The following NBEA variants were observed in gnomAD, a reference collection of about 807,000 sequenced individuals.
NBEA encodes neurobeachin.
In NBEA, 44 loss-of-function variants were observed where a neutral mutation model predicts 343.4. The ratio of observed to expected loss-of-function variants is 0.13; its 90% CI spans 0.10 to 0.16. NBEA has a LOEUF of 0.16. Among genes scored for constraint, NBEA ranks in the 10% least tolerant of loss-of-function variants. The probability of loss-of-function intolerance (pLI) is 1.00; values close to 1 mark genes in which losing one functional copy is unlikely to be tolerated. For synonymous variants in NBEA, 1,175 were observed against 1,238.7 expected, an observed-to-expected ratio of 0.95 and a Z score of 1.08; for missense variants, 2,555 against 3,631.3, an observed-to-expected ratio of 0.70 and a Z score of 7.62.
chr13:35,181,889 A>G lies in NBEA; in HGVS notation c.4663-471A>G, dbSNP rs932840651. Among the ~76,000 whole-genome samples the G allele has an allele frequency of 5.9e-5, 9 of 151,622 alleles. No individual in the cohort carries two copies. In the South Asian group the frequency reaches 1.9e-3, roughly 31 times the overall value. On this transcript the variant is annotated intron_variant, in intron 28 of 58. Transcript: ENST00000379939. ...CTCCCCCATTGTTTATTTCTCCTCTATTTTGTATTCATATAGTCTCTTGTT... is the reference window on the plus strand; with the variant it reads ...CTCCCCCATTGTTTATTTCTCCTCTGTTTTGTATTCATATAGTCTCTTGTT...
chr13:35,325,669 T>G (rs2038504717), intron 36 of NBEA, among the ~76,000 whole-genome samples: 1 of 152,060 alleles, frequency 6.6e-6, no homozygotes, highest in Non-Finnish European at 1.5e-5. Context: ...AAGGTAATGA[T>G]TCTCCAAAAT....
chr13:35,535,058 T>A (rs981573831), intron 41 of NBEA, among the ~76,000 whole-genome samples: 7 of 152,186 alleles, frequency 4.6e-5, no homozygotes, highest in African/African-American at 1.7e-4. Context: ...CTGGAAATAC[T>A]GTTTTCGTTG....
In NBEA at chr13:35,628,125, C is replaced by A; in HGVS notation, c.7494C>A (p.Ile2498=). 1 of 1,612,994 alleles carries A rather than the reference C, an allele frequency of 6.2e-7. No homozygotes were observed. Among genetic ancestry groups the A allele is most frequent in the Non-Finnish European group, 8.5e-7 (1 of 1,179,446 alleles). ...TTTCTTGCCAACTTCATCAGTGGAT[C>A]GACCTTATATTTGGCTATAAGCAGC... ...EFVSCQLHQW[I]DLIFGYKQRG... is the part of the protein sequence containing the mutation. The change falls in exon 49 of 59, where the codon ATC becomes ATA. Residue 2498 remains isoleucine (I), a synonymous_variant. Transcript: ENST00000379939.
At chr13:35,490,522 C>T (rs897625675) in intron 41 of NBEA, among the ~76,000 whole-genome samples, 1 of 151,798 alleles carries the variant, frequency 6.6e-6, no homozygotes. Flanking sequence ...TAATTGTATA[C>T]CCTGACGTAA....
intron 49 of NBEA, among the ~76,000 whole-genome samples, chr13:35,641,485 C>A (rs769990816): frequency 3.9e-4 from 59 of 152,176 alleles, no homozygotes; most frequent in South Asian, 1.7e-3. Flanking sequence ...GAATACTATA[C>A]AGCAAAAGAA....
intron 25 of NBEA, 64 bp from the exon 26 acceptor site, chr13:35,171,208 A>G (rs913123346): frequency 8.5e-7 from 1 of 1,174,252 alleles, no homozygotes; most frequent in Non-Finnish European, 1.3e-6. Flanking sequence ...GTATGTATGT[A>G]TATGTATTAT....
chr13:35,466,358 G>A (rs1165260004), intron 40 of NBEA, among the ~76,000 whole-genome samples: 1 of 152,200 alleles, frequency 6.6e-6, no homozygotes, highest in Non-Finnish European at 1.5e-5. Flanking sequence ...TTAGGGGAGA[G>A]TACATTGTGT....
chr13:35,523,466 T>G (rs2077816926), intron 41 of NBEA, among the ~76,000 whole-genome samples: 1 of 152,174 alleles, frequency 6.6e-6, no homozygotes, highest in African/African-American at 2.4e-5. Context: ...AGAGGTCTAG[T>G]GGACATTTGA....
chr13:35,355,847 A>T (rs530585536), intron 38 of NBEA, among the ~76,000 whole-genome samples: 39 of 151,772 alleles, frequency 2.6e-4, no homozygotes, highest in Middle Eastern at 6.9e-3. Flanking sequence ...TTCTCTAGCC[A>T]CTCTGTCTAA....
intron 1 of NBEA, among the ~76,000 whole-genome samples, chr13:34,972,761 G>GT (rs1223347608): frequency 2.6e-5 from 4 of 152,090 alleles, no homozygotes; most frequent in Non-Finnish European, 5.9e-5. Flanking sequence ...CGATTGTAGA[G>GT]TAAGTGCTGG....
intron 10 of NBEA, among the ~76,000 whole-genome samples, chr13:35,087,404 C>A (rs1055669493): frequency 6.6e-6 from 1 of 151,726 alleles, no homozygotes; most frequent in South Asian, 2.1e-4. Flanking sequence ...GTCCAGTCAG[C>A]ACAACATTAA....
In NBEA at chr13:35,089,831, A is replaced by G. The variant is rs1225112762; in HGVS notation, c.1572-8466A>G. Among the ~76,000 whole-genome samples the G allele has an allele frequency of 3.4e-5, 5 of 148,472 alleles. No individual in the cohort carries two copies. The South Asian group carries it at 8.6e-4, about 25-fold the overall frequency. ...AAGAACAAAAAACCAAACACCGCATATTCTCACTCATAGGTGGGAATTGAA... is the reference window on the plus strand; with the variant it reads ...AAGAACAAAAAACCAAACACCGCATGTTCTCACTCATAGGTGGGAATTGAA... On this transcript the variant is annotated intron_variant, in intron 10 of 58. Coordinates refer to ENST00000379939, the MANE Select transcript of NBEA (RefSeq NM_001385012.1).
rs763382027 is a variant in NBEA at position 35,432,260 on chromosome 13, T to C, written c.6180-9T>C. ...TAATAGGGATTACTTTTTTTCCCTC[T>C]ACTCTTAGCCAATTGCATGATTTCT... On this transcript the variant is annotated splice_polypyrimidine_tract_variant and intron_variant, in intron 38 of 58. Transcript: ENST00000379939. The C allele has an allele frequency of 1.9e-6, 3 of 1,591,944 alleles. No individual in the cohort carries two copies. The highest frequency in any genetic ancestry group is 2.6e-6 in the Non-Finnish European group (3 of 1,167,672).
chr13:35,073,199 G>A (rs2063951448), intron 10 of NBEA, among the ~76,000 whole-genome samples: 1 of 152,124 alleles, frequency 6.6e-6, no homozygotes, highest in Non-Finnish European at 1.5e-5. Context: ...TGGCTATGCA[G>A]GGGTGATAGA....
At chr13:35,015,555 A>T (rs537144762) in intron 1 of NBEA, among the ~76,000 whole-genome samples, 42 of 152,278 alleles carry the variant, frequency 2.8e-4, no homozygotes, top group African/African-American at 9.9e-4. Context: ...CTAAAGCATT[A>T]CATTACTCTA....
intron 28 of NBEA, among the ~76,000 whole-genome samples, chr13:35,178,352 T>G (rs545636685): frequency 6.6e-6 from 1 of 151,868 alleles, no homozygotes; most frequent in South Asian, 2.1e-4. Context: ...ACAGGAAATT[T>G]GGCAGCATTA....
At chr13:35,046,837 G>A (rs970128428) in intron 4 of NBEA, among the ~76,000 whole-genome samples, 4 of 152,076 alleles carry the variant, frequency 2.6e-5, no homozygotes, top group Non-Finnish European at 4.4e-5. Context: ...GGGATCTACT[G>A]TAGTGGTACC....
At chr13:35,587,967 C>T (rs1002869179) in intron 46 of NBEA, among the ~76,000 whole-genome samples, 3 of 151,920 alleles carry the variant, frequency 2.0e-5, no homozygotes, top group Admixed American at 6.6e-5. Flanking sequence ...AAAAAAGAAA[C>T]AGGTAAAATT....
In NBEA at chr13:35,591,922, A is replaced by G. The variant is rs562490169; in HGVS notation, c.7177-1406A>G. The stretch of plus-strand genomic sequence containing the variant: ...TGAACCTGGGAATGACATGTCATTC[A>G]TCCTAGACTTGAGAGAGAAGAATTG... On this transcript the variant is annotated intron_variant, in intron 46 of 58. Coordinates refer to ENST00000379939, the MANE Select transcript of NBEA (RefSeq NM_001385012.1). 7.1e-4 allele frequency among the ~76,000 whole-genome samples: 108 copies of G among 152,248 alleles called. No homozygotes were observed. The South Asian group carries it at 0.01, about 14-fold the overall frequency.
Sources: gnomAD v4.1 joint callset for allele counts (sites outside exome capture counted in the v4.1 genomes callset) on GRCh38, gnomAD v4.1.1 for gene constraint, MANE v1.5 for transcripts, NCBI Gene and HGNC (gene_info 2026-07-23, HGNC 2026-07-21) for gene names.